Variants in RXRA observed in about 807,000 individuals in gnomAD.
RXRA encodes retinoic acid receptor RXR-alpha.
In RXRA, 5 loss-of-function variants were observed where a neutral mutation model predicts 44.5. The observed-to-expected ratio is 0.11, with a 90% CI of 0.06 to 0.24. The LOEUF is 0.24. Ranked by LOEUF, RXRA falls within the 10% of genes least tolerant of loss-of-function variation. The probability of loss-of-function intolerance (pLI) is 1.00; values close to 1 mark genes in which losing one functional copy is unlikely to be tolerated. For synonymous variants in RXRA, 291 were observed against 271.4 expected, an observed-to-expected ratio of 1.07 and a Z score of -0.71; for missense variants, 412 against 646.5, an observed-to-expected ratio of 0.64 and a Z score of 3.93.
chr9:134,362,873 C>T (rs1046906940), intron 1 of RXRA, among the ~76,000 whole-genome samples: 21 of 152,244 alleles, frequency 1.4e-4, no homozygotes, highest in African/African-American at 5.1e-4. Context: ...GCCCCCATGC[C>T]CGGGTCTGCA....
Position 134,417,342 on chromosome 9 carries a change from G to C in RXRA, c.780+15G>C. 2.5e-6 allele frequency: 4 copies of C among 1,609,716 alleles called. No individual in the cohort carries two copies. Among genetic ancestry groups the C allele is most frequent in the Non-Finnish European group, 3.4e-6 (4 of 1,177,054 alleles). On this transcript the variant is annotated intron_variant, in intron 5 of 9. Transcript: ENST00000481739. This position sits in a 1 kb window ranked among gnomAD's most constrained non-coding sequence, Gnocchi z 6.1. Reference sequence around the variant, plus strand: ...ACCCCAGCTCGGTGAGTTGCAGCCTGTGCAGGGGTGGGCAGCCTCACATGC... The same window carrying C: ...ACCCCAGCTCGGTGAGTTGCAGCCTCTGCAGGGGTGGGCAGCCTCACATGC...
Position 134,355,251 on chromosome 9 carries a change from A to C in RXRA, c.28+28592A>C, listed in dbSNP as rs568823881. 6.6e-5 allele frequency among the ~76,000 whole-genome samples: 10 copies of C among 152,290 alleles called. No individual in the cohort carries two copies. The East Asian group carries it at 1.7e-3, about 26-fold the overall frequency. On this transcript the variant is annotated intron_variant, in intron 1 of 9. Coordinates refer to ENST00000481739, the MANE Select transcript of RXRA (RefSeq NM_002957.6). Reference sequence around the variant, plus strand: ...GGTGCCAGGTGTATGAGAAGTACCTAGTGTGCCTGGGCCCGGCATGGGCAT... The same window carrying C: ...GGTGCCAGGTGTATGAGAAGTACCTCGTGTGCCTGGGCCCGGCATGGGCAT...
intron 4 of RXRA, among the ~76,000 whole-genome samples, chr9:134,409,598 C>G (rs1478635299): frequency 6.6e-6 from 1 of 152,218 alleles, no homozygotes; most frequent in Non-Finnish European, 1.5e-5. Flanking sequence ...GAAGTCCCTC[C>G]CCCGATGTCA....
At chr9:134,392,563 C>T (rs559483464) in intron 1 of RXRA, among the ~76,000 whole-genome samples, 1 of 152,176 alleles carries the variant, frequency 6.6e-6, no homozygotes, top group African/African-American at 2.4e-5. Context: ...TCTCCTCTGG[C>T]TTCCTCCTTG....
At chr9:134,326,698 G>T in intron 1 of RXRA, 39 bp downstream of exon 1, 1 of 681,948 alleles carries the variant, frequency 1.5e-6, no homozygotes, top group South Asian at 6.3e-5. Flanking sequence ...GGGGCCGGGG[G>T]CCGGGGGCCG....
chr9:134,353,330 A>G (rs1466749514), intron 1 of RXRA, among the ~76,000 whole-genome samples: 2 of 152,012 alleles, frequency 1.3e-5, no homozygotes, highest in Non-Finnish European at 2.9e-5. Flanking sequence ...CCATGGTTGT[A>G]GGAGGCCTTG....
At chr9:134,387,350 G>A (rs537806054) in intron 1 of RXRA, among the ~76,000 whole-genome samples, 2 of 152,382 alleles carry the variant, frequency 1.3e-5, no homozygotes, top group South Asian at 2.1e-4. Flanking sequence ...CGGCGCCCAC[G>A]GTACAGGAAG....
chr9:134,407,127 C>T lies in RXRA; in HGVS notation c.280-1022C>T, dbSNP rs1175061425. Reference sequence around the variant, plus strand: ...TCGAGGAAGAACCTAGAAGCCAGAACAAGCTGGGGCTGGAAGACTCATTCC... The same window carrying T: ...TCGAGGAAGAACCTAGAAGCCAGAATAAGCTGGGGCTGGAAGACTCATTCC... On this transcript the variant is annotated intron_variant, in intron 2 of 9. Coordinates refer to ENST00000481739, the MANE Select transcript of RXRA (RefSeq NM_002957.6). The surrounding 1 kb of genome is among the most constrained non-coding windows in gnomAD (Gnocchi z 4.8). Among the ~76,000 whole-genome samples the T allele has an allele frequency of 6.6e-6, 1 of 152,254 alleles. No individual in the cohort carries two copies. The highest frequency in any genetic ancestry group is 1.5e-5 in the Non-Finnish European group (1 of 68,052).
chr9:134,350,705 A>C (rs1431276684), intron 1 of RXRA, among the ~76,000 whole-genome samples: 1 of 152,186 alleles, frequency 6.6e-6, no homozygotes, highest in African/African-American at 2.4e-5. Context: ...CCGCAGGAGC[A>C]GCTCCATCTG....
chr9:134,355,792 CTGCAGCTG>C (rs1402123050), intron 1 of RXRA, among the ~76,000 whole-genome samples: 1 of 152,212 alleles, frequency 6.6e-6, no homozygotes, highest in Non-Finnish European at 1.5e-5. Context: ...GTTGTGCAAC[CTGCAGCTG>C]TGCAGGAGAA....
chr9:134,401,650 ACTC>A lies in RXRA; in HGVS notation c.52_54del (p.Ser18del). On this transcript the variant is annotated inframe_deletion, in exon 2 of 10. Transcript: ENST00000481739. ...CTTGCAGATTTCTCCACCCAGGTGA[ACTC>A]CTCCCTCACCTCCCCGACGGGGCGA... 1 of 1,611,404 alleles carries A rather than the reference ACTC, an allele frequency of 6.2e-7. No individual in the cohort carries two copies. Among genetic ancestry groups the A allele is most frequent in the Non-Finnish European group, 8.5e-7 (1 of 1,179,508 alleles).
At chr9:134,408,325 C>T in intron 3 of RXRA, 26 bp downstream of exon 3, 1 of 1,582,596 alleles carries the variant, frequency 6.3e-7, no homozygotes, top group Non-Finnish European at 8.6e-7. Context: ...GGGCCAGGGG[C>T]TGGTGGGACA....
chr9:134,437,359 C>G lies in RXRA; in HGVS notation c.*745C>G, dbSNP rs1329165689. 2.0e-5 allele frequency: 3 copies of G among 152,730 alleles called. No homozygotes were observed. Among genetic ancestry groups the G allele is most frequent in the African/African-American group, 7.2e-5 (3 of 41,450 alleles). The allele number at this position is 152,730 out of a possible 1,614,324, so 9.5% of individuals were successfully genotyped here. On this transcript the variant is annotated 3_prime_UTR_variant, in exon 10 of 10. Coordinates refer to ENST00000481739, the MANE Select transcript of RXRA (RefSeq NM_002957.6). ...ACTCACCCCCCTGTTTTCTCTCTGCCTTGGTGTTCTGGTTTCAGACTCCCG... is the reference window on the plus strand; with the variant it reads ...ACTCACCCCCCTGTTTTCTCTCTGCGTTGGTGTTCTGGTTTCAGACTCCCG...
chr9:134,350,284 A>G (rs1830205786), intron 1 of RXRA, among the ~76,000 whole-genome samples: 1 of 152,040 alleles, frequency 6.6e-6, no homozygotes, highest in Non-Finnish European at 1.5e-5. Context: ...TGGCCTGAAC[A>G]CAGTGCTGGC....
chr9:134,341,239 G>A (rs547073812), intron 1 of RXRA, among the ~76,000 whole-genome samples: 5 of 152,368 alleles, frequency 3.3e-5, no homozygotes, highest in African/African-American at 9.6e-5. Flanking sequence ...CCGAGCTACA[G>A]ATAGGGGCTC....
intron 1 of RXRA, among the ~76,000 whole-genome samples, chr9:134,345,825 A>G (rs191182980): frequency 6.4e-4 from 97 of 152,278 alleles, no homozygotes; most frequent in African/African-American, 2.2e-3. Context: ...CGGCTCATTC[A>G]TGACTAAACA....
At chr9:134,413,567 C>T (rs1031887735) in intron 4 of RXRA, among the ~76,000 whole-genome samples, 2 of 152,166 alleles carry the variant, frequency 1.3e-5, no homozygotes, top group African/African-American at 4.8e-5. Flanking sequence ...GAGTTCGGTC[C>T]TGCCTGTCTT....
At chr9:134,345,170 C>T (rs540261863) in intron 1 of RXRA, among the ~76,000 whole-genome samples, 41 of 152,278 alleles carry the variant, frequency 2.7e-4, no homozygotes, top group African/African-American at 7.5e-4. Flanking sequence ...TGAAAGTGGA[C>T]GTGCCCTGGA....
Position 134,342,259 on chromosome 9 carries a change from C to G in RXRA, c.28+15600C>G, listed in dbSNP as rs1474587451. Among the ~76,000 whole-genome samples, 1 of 152,120 alleles carries G rather than the reference C, an allele frequency of 6.6e-6. No individual in the cohort carries two copies. Among genetic ancestry groups the G allele is most frequent in the African/African-American group, 2.4e-5 (1 of 41,418 alleles). ...GGCGGGGGTCCGGGTCGAGGACTAG[C>G]AAGCCACAGTGCACCAGGTGCCCCG... is the stretch of plus-strand genomic sequence containing the variant. On this transcript the variant is annotated intron_variant, in intron 1 of 9. Coordinates refer to ENST00000481739, the MANE Select transcript of RXRA (RefSeq NM_002957.6). The surrounding 1 kb of genome is among the most constrained non-coding windows in gnomAD (Gnocchi z 4.4).
Sources: gnomAD v4.1 joint callset for allele counts (sites outside exome capture counted in the v4.1 genomes callset) on GRCh38, gnomAD v4.1.1 for gene constraint, Gnocchi (gnomAD v3.1) non-coding constraint, MANE v1.5 for transcripts, NCBI Gene and HGNC (gene_info 2026-07-23, HGNC 2026-07-21) for gene names.